The following AK4 variants were observed in gnomAD, a reference collection of about 807,000 sequenced individuals.
The protein encoded by AK4 is adenylate kinase 4, also known as adenylate kinase 4, mitochondrial.
A neutral mutation model predicts 24.6 loss-of-function variants in AK4; 13 were observed. That is an observed-to-expected ratio of 0.53 (90% CI 0.34 to 0.84). The LOEUF (loss-of-function observed/expected upper bound fraction) is 0.84. Ranked by LOEUF, AK4 falls within the 40% of genes least tolerant of loss-of-function variation. The pLI is 0.01. For synonymous variants in AK4, 88 were observed against 107.0 expected (o/e 0.82, Z 1.10); for missense variants, 192 against 288.2 (o/e 0.67, Z 2.42).
intron 3 of AK4, among the ~76,000 whole-genome samples, 166 bp from the exon 4 acceptor site, chr1:65,224,586 G>C (rs1267233201): frequency 1.3e-5 from 2 of 152,186 alleles, no homozygotes; most frequent in Non-Finnish European, 2.9e-5. Flanking sequence ...ACTGTTAAGT[G>C]TGCTATTTCT....
Position 65,159,231 on chromosome 1 carries a change from AG to A in AK4, c.145+10684del, listed in dbSNP as rs775123392. 1.8e-3 allele frequency among the ~76,000 whole-genome samples: 277 copies of A among 152,330 alleles called. 1 individual carries two copies. The highest frequency in any genetic ancestry group is 1.3e-3 in the Non-Finnish European group (88 of 68,018). On this transcript the variant is annotated intron_variant, in intron 1 of 4. Coordinates refer to ENST00000327299, the MANE Select transcript of AK4 (RefSeq NM_013410.4). ...TGACTTGGTCATAACCAACATTTGC[AG>A]GGGGCGAAGCAACTGCCAGGCCCTG... is the stretch of plus-strand genomic sequence containing the variant.
chr1:65,222,432 C>T (rs960821075), intron 3 of AK4, among the ~76,000 whole-genome samples: 2 of 152,160 alleles, frequency 1.3e-5, no homozygotes, highest in Admixed American at 6.5e-5. Flanking sequence ...TGAGGATTCC[C>T]ATGCCCTTAC....
At chr1:65,178,110 A>G (rs79113072) in intron 1 of AK4, among the ~76,000 whole-genome samples, 2 of 152,076 alleles carry the variant, frequency 1.3e-5, no homozygotes, top group African/African-American at 4.8e-5. Context: ...GGTCCTGTGG[A>G]TGGGAAGGTG....
chr1:65,167,079 C>T (rs1650357184), intron 1 of AK4, among the ~76,000 whole-genome samples: 1 of 152,122 alleles, frequency 6.6e-6, no homozygotes, highest in African/African-American at 2.4e-5. Context: ...TTGTAGTGAG[C>T]CAAGATCACA....
At chr1:65,173,507 C>T (rs557118997) in intron 1 of AK4, among the ~76,000 whole-genome samples, 85 of 152,260 alleles carry the variant, frequency 5.6e-4, no homozygotes, top group African/African-American at 1.8e-3. Context: ...TTCACTTCTG[C>T]GTTTCAGTCT....
At chr1:65,209,867 G>T (rs1651918863) in intron 2 of AK4, among the ~76,000 whole-genome samples, 1 of 152,174 alleles carries the variant, frequency 6.6e-6, no homozygotes, top group East Asian at 1.9e-4. Flanking sequence ...GAGTGCAGTG[G>T]CATGAACATG....
chr1:65,162,266 A>T (rs1257287341), intron 1 of AK4, among the ~76,000 whole-genome samples: 1 of 152,124 alleles, frequency 6.6e-6, no homozygotes, highest in Non-Finnish European at 1.5e-5. Flanking sequence ...TTTGAGGCAG[A>T]GGAAGCAGTA....
At chr1:65,150,201 A>G (rs1436752301) in intron 1 of AK4, among the ~76,000 whole-genome samples, 3 of 152,114 alleles carry the variant, frequency 2.0e-5, no homozygotes, top group African/African-American at 7.2e-5. Context: ...TGTGATGGGA[A>G]GTAGCTTATT....
rs3051712 is a variant in AK4 at position 65,172,063 on chromosome 1, GTATATATATATATATATATATATATATA to G, written c.146-18633_146-18606del. Among the ~76,000 whole-genome samples the G allele has an allele frequency of 2.9e-4, 19 of 65,766 alleles. 3 individuals carry two copies. Among genetic ancestry groups the G allele is most frequent in the Non-Finnish European group, 5.5e-4 (14 of 25,450 alleles). 43.1% of individuals were successfully genotyped at this position (65,766 alleles called of 152,430 possible). On this transcript the variant is annotated intron_variant, in intron 1 of 4. Transcript: ENST00000327299. ...GCAACAGAGAGAGACTCCATCTCAA[GTATATATATATATATATATATATATATA>G]TATATATATATATTTAAACTCATTA...
chr1:65,186,935 A>G (rs1651118389), intron 1 of AK4, among the ~76,000 whole-genome samples: 1 of 152,256 alleles, frequency 6.6e-6, no homozygotes, highest in African/African-American at 2.4e-5. Flanking sequence ...TATGAATAAA[A>G]TGTGGCATAA....
chr1:65,211,586 A>T (rs543188067), intron 2 of AK4, among the ~76,000 whole-genome samples: 5 of 152,314 alleles, frequency 3.3e-5, no homozygotes, highest in African/African-American at 1.2e-4. Context: ...AAGTCACTTC[A>T]CTTTTCCCAG....
At chr1:65,159,116 C>T (rs761265824) in intron 1 of AK4, among the ~76,000 whole-genome samples, 3 of 152,192 alleles carry the variant, frequency 2.0e-5, no homozygotes, top group Non-Finnish European at 4.4e-5. Flanking sequence ...CATCTAACTT[C>T]CAAGAAGCTA....
intron 1 of AK4, among the ~76,000 whole-genome samples, chr1:65,189,521 G>A (rs956317730): frequency 1.3e-5 from 2 of 152,136 alleles, no homozygotes; most frequent in Non-Finnish European, 1.5e-5. Context: ...CAGGTGATCT[G>A]CCTGCCTCGG....
Position 65,148,270 on chromosome 1 carries a change from C to T in AK4, c.-138C>T. 1 of 1,258,214 alleles carries T rather than the reference C, an allele frequency of 7.9e-7. No individual in the cohort carries two copies. The highest frequency in any genetic ancestry group is 1.1e-6 in the Non-Finnish European group (1 of 935,724). The allele number at this position is 1,258,214 out of a possible 1,614,324, so 77.9% of individuals were successfully genotyped here. ...GGTTGTCTTAAAAGTCTCTCCTTCC[C>T]CCTGTAGGGGCGGCCGGCGAGTCCC... is the stretch of plus-strand genomic sequence containing the variant. On this transcript the variant is annotated 5_prime_UTR_variant, in exon 1 of 5. Transcript: ENST00000327299.
chr1:65,152,488 C>T (rs1166816936), intron 1 of AK4, among the ~76,000 whole-genome samples: 4 of 144,574 alleles, frequency 2.8e-5, no homozygotes, highest in Non-Finnish European at 6.0e-5. Context: ...CTGCAGCCTC[C>T]GCCTCCCAGG....
At chr1:65,183,094 G>A (rs750792054) in intron 1 of AK4, among the ~76,000 whole-genome samples, 1 of 152,160 alleles carries the variant, frequency 6.6e-6, no homozygotes, top group Admixed American at 6.6e-5. Context: ...TTAGCTGAAT[G>A]AGTATTTTGT....
chr1:65,172,864 T>G (rs1650586167), intron 1 of AK4, among the ~76,000 whole-genome samples: 2 of 143,816 alleles, frequency 1.4e-5, no homozygotes, highest in South Asian at 4.6e-4. Context: ...GATTTTTTTT[T>G]TTTTTTTTTT....
chr1:65,169,489 G>A (rs1206508289), intron 1 of AK4, among the ~76,000 whole-genome samples: 3 of 152,102 alleles, frequency 2.0e-5, no homozygotes. Flanking sequence ...AATGTTTTGT[G>A]TTTACTCATT....
intron 1 of AK4, chr1:65,165,828 G>A (rs184597735): frequency 6.6e-6 from 1 of 152,444 alleles, no homozygotes; most frequent in African/African-American, 2.4e-5. Context: ...TGTCTGATAG[G>A]ACTGTAGGAG....
Sources: allele counts gnomAD v4.1 joint callset (sites outside exome capture counted in the v4.1 genomes callset), GRCh38; gene constraint gnomAD v4.1.1; transcripts MANE v1.5; gene names NCBI Gene and HGNC (gene_info 2026-07-23, HGNC 2026-07-21).